The following MTMR6 variants were observed in gnomAD, a reference collection of about 807,000 sequenced individuals.
The protein encoded by MTMR6 is myotubularin related protein 6.
Under a neutral mutation model 80.1 loss-of-function variants are expected in MTMR6, and 47 were observed. That is an observed-to-expected ratio of 0.59 (90% CI 0.46 to 0.75). The LOEUF is 0.75. Ranked by LOEUF, MTMR6 falls within the 30% of genes least tolerant of loss-of-function variation. MTMR6 has a pLI of 0.00. For missense variants in MTMR6, 629 were observed against 730.9 expected, an observed-to-expected ratio of 0.86 and a Z score of 1.61; for synonymous variants, 254 against 253.0, an observed-to-expected ratio of 1.00 and a Z score of -0.04.
intron 1 of MTMR6, among the ~76,000 whole-genome samples, chr13:25,278,109 G>A (rs1485841131): frequency 1.3e-5 from 2 of 152,134 alleles, no homozygotes; most frequent in Non-Finnish European, 2.9e-5. Flanking sequence ...TTTTTCATAA[G>A]TTCACCTGCT....
intron 10 of MTMR6, 88 bp downstream of exon 10, chr13:25,254,297 G>T (rs996539697): frequency 2.1e-6 from 2 of 933,762 alleles, no homozygotes; most frequent in Non-Finnish European, 3.5e-6. Flanking sequence ...CATCACGCAT[G>T]TGAGTTCATA....
chr13:25,257,260 G>C lies in MTMR6; in HGVS notation c.1031C>G (p.Ser344Cys), dbSNP rs1311363852. ...VHCSDGWDRT[S>C]QVCSLGSLLL... ...AAGAGAACCCAGGGAACAAACCTGG[G>C]AAGTCCTATCCCAACCATCGGAACA... The change falls in exon 9 of 14, where the codon TCC (serine) becomes TGC (cysteine). Residue 344 changes from serine (S) to cysteine (C), a missense_variant. Physicochemically the swap from Ser to Cys is moderately radical, Grantham distance 112 (BLOSUM62 -1). Transcript: ENST00000381801. The C allele has an allele frequency of 6.2e-7, 1 of 1,613,916 alleles. No homozygotes were observed. Among genetic ancestry groups the C allele is most frequent in the Non-Finnish European group, 8.5e-7 (1 of 1,179,866 alleles).
rs1296222425 is a variant in MTMR6 at position 25,287,365 on chromosome 13, T to C, written c.-118A>G. 3 of 1,369,240 alleles carry C rather than the reference T, an allele frequency of 2.2e-6. No homozygotes were observed. Among genetic ancestry groups the C allele is most frequent in the African/African-American group, 2.9e-5 (2 of 69,584 alleles). The allele number at this position is 1,369,240 out of a possible 1,614,324, so 84.8% of individuals were successfully genotyped here. ...TCCCTCCACCAGCCAGCGCCGCGGG[T>C]CTGTCTGCCGGCCCCGGTGGCGTCA... On this transcript the variant is annotated 5_prime_UTR_variant, in exon 1 of 14. Coordinates refer to ENST00000381801, the MANE Select transcript of MTMR6 (RefSeq NM_004685.5).
chr13:25,255,829 C>T (rs909833442), intron 9 of MTMR6, among the ~76,000 whole-genome samples: 21 of 152,108 alleles, frequency 1.4e-4, no homozygotes, highest in African/African-American at 5.1e-4. Flanking sequence ...GCCACTGACT[C>T]TACTCTCTAA....
Position 25,266,125 on chromosome 13 carries a change from G to C in MTMR6, c.462+4C>G. 6.2e-7 allele frequency: 1 copy of C among 1,613,030 alleles called. No individual in the cohort carries two copies. Among genetic ancestry groups the C allele is most frequent in the Non-Finnish European group, 8.5e-7 (1 of 1,179,656 alleles). ...TGAATTTCTCCAAAATGTTGTTAAGGTACCTTGTAGTCCCGGTTGGCATCA... is the reference window on the plus strand; with the variant it reads ...TGAATTTCTCCAAAATGTTGTTAAGCTACCTTGTAGTCCCGGTTGGCATCA... On this transcript the variant is annotated splice_donor_region_variant and intron_variant, in intron 4 of 13. Coordinates refer to ENST00000381801, the MANE Select transcript of MTMR6 (RefSeq NM_004685.5).
Position 25,251,612 on chromosome 13 carries a change from C to T in MTMR6, c.1605+37G>A. 1 of 1,422,608 alleles carries T rather than the reference C, an allele frequency of 7.0e-7. No homozygotes were observed. The highest frequency in any genetic ancestry group is 9.7e-7 in the Non-Finnish European group (1 of 1,032,546). The allele number at this position is 1,422,608 out of a possible 1,614,324, so 88.1% of individuals were successfully genotyped here. ...TATTAGTCTAATCGTAAACTAATTT[C>T]ACATTCCAAATATATTAGATACTTC... On this transcript the variant is annotated intron_variant, in intron 13 of 13. Transcript: ENST00000381801. The surrounding 1 kb of genome is among the most constrained non-coding windows in gnomAD (Gnocchi z 4.1).
At chr13:25,254,502 C>A in intron 9 of MTMR6, 68 bp from the exon 10 acceptor site, 1 of 1,058,880 alleles carries the variant, frequency 9.4e-7, no homozygotes, top group Non-Finnish European at 1.4e-6. Flanking sequence ...TGGATTAAAT[C>A]TTATTAGTTT....
chr13:25,283,491 A>G (rs2137641929), intron 1 of MTMR6, among the ~76,000 whole-genome samples: 1 of 152,318 alleles, frequency 6.6e-6, no homozygotes, highest in South Asian at 2.1e-4. Context: ...TCTTATTTTT[A>G]TATCTCCTTT....
intron 13 of MTMR6, among the ~76,000 whole-genome samples, chr13:25,249,891 G>T (rs989594554): frequency 1.2e-4 from 19 of 152,172 alleles, no homozygotes; most frequent in African/African-American, 4.1e-4. Context: ...TGACTATATA[G>T]AGTTTTTCTT....
chr13:25,279,134 A>C (rs1469593634), intron 1 of MTMR6, among the ~76,000 whole-genome samples: 1 of 152,140 alleles, frequency 6.6e-6, no homozygotes, highest in Non-Finnish European at 1.5e-5. Flanking sequence ...TCAGGTACTG[A>C]TATGGTTTGG....
chr13:25,267,051 C>G (rs1235721353), intron 3 of MTMR6, among the ~76,000 whole-genome samples: 1 of 152,058 alleles, frequency 6.6e-6, no homozygotes, highest in Non-Finnish European at 1.5e-5. Flanking sequence ...AGTTCAAGAC[C>G]AGCCTGGCCA....
At chr13:25,277,567 C>T (rs1422406346) in intron 1 of MTMR6, among the ~76,000 whole-genome samples, 1 of 152,194 alleles carries the variant, frequency 6.6e-6, no homozygotes, top group African/African-American at 2.4e-5. Flanking sequence ...TAAGATTCTT[C>T]TTTATCCCAT....
intron 1 of MTMR6, among the ~76,000 whole-genome samples, chr13:25,282,745 A>G (rs1957882840): frequency 6.6e-6 from 1 of 151,422 alleles, no homozygotes; most frequent in Non-Finnish European, 1.5e-5. Context: ...AGCTGGGATT[A>G]CAGGTGCCCG....
chr13:25,263,687 A>G (rs4640037), intron 5 of MTMR6, among the ~76,000 whole-genome samples: 141,759 of 152,268 alleles, frequency 0.93, 66,810 homozygotes, highest in East Asian at 1. Context: ...AGGAGTTCGA[A>G]ACCATCCTGG....
rs755164883 is a variant in MTMR6, at chr13:25,251,576, A to G, written c.1605+73T>C. 105 of 1,303,092 alleles carry G rather than the reference A, an allele frequency of 8.1e-5. No individual in the cohort carries two copies. Among genetic ancestry groups the G allele is most frequent in the Non-Finnish European group, 1.1e-4 (102 of 946,336 alleles). The allele number at this position is 1,303,092 out of a possible 1,614,324, so 80.7% of individuals were successfully genotyped here. ...AGAAGTTTATGTGCTGATTTACACC[A>G]ACAATACAAATATTAGTCTAATCGT... On this transcript the variant is annotated intron_variant, in intron 13 of 13. Transcript: ENST00000381801. The surrounding 1 kb of genome is among the most constrained non-coding windows in gnomAD (Gnocchi z 4.1).
At chr13:25,278,413 C>T (rs994396634) in intron 1 of MTMR6, among the ~76,000 whole-genome samples, 11 of 151,888 alleles carry the variant, frequency 7.2e-5, no homozygotes, top group Admixed American at 4.6e-4. Context: ...GCCAACATGG[C>T]GAAACCCTGC....
Position 25,273,126 on chromosome 13 carries a change from T to C in MTMR6, c.141+945A>G, listed in dbSNP as rs1008629100. 8.5e-5 allele frequency among the ~76,000 whole-genome samples: 13 copies of C among 152,138 alleles called. No individual in the cohort carries two copies. In the East Asian group the frequency reaches 2.5e-3, roughly 29 times the overall value. On this transcript the variant is annotated intron_variant, in intron 2 of 13. Coordinates refer to ENST00000381801, the MANE Select transcript of MTMR6 (RefSeq NM_004685.5). ...ACATTACAATTGGACATCTACTAGA[T>C]AGGCAAAAAATTTTAAATTGACAAT... is the stretch of plus-strand genomic sequence containing the variant.
At chr13:25,261,067 G>A (rs756598613) in intron 6 of MTMR6, among the ~76,000 whole-genome samples, 1 of 151,830 alleles carries the variant, frequency 6.6e-6, no homozygotes, top group African/African-American at 2.4e-5. Context: ...ACTTTGGGAG[G>A]CCAACTGAGG....
At chr13:25,282,836 C>G (rs1360402102) in intron 1 of MTMR6, among the ~76,000 whole-genome samples, 2 of 151,922 alleles carry the variant, frequency 1.3e-5, no homozygotes, top group Non-Finnish European at 2.9e-5. Flanking sequence ...AAACTCCTGA[C>G]CTCAAGTGAT....
Sources: allele counts gnomAD v4.1 joint callset (sites outside exome capture counted in the v4.1 genomes callset), GRCh38; gene constraint gnomAD v4.1.1; non-coding constraint Gnocchi (gnomAD v3.1); transcripts MANE v1.5; gene names NCBI Gene and HGNC (gene_info 2026-07-23, HGNC 2026-07-21).